ANXA4: variants seen among roughly 807,000 people sequenced by gnomAD.
ANXA4 encodes 35-beta calcimedin.
In ANXA4, 39 loss-of-function variants were observed where a neutral mutation model predicts 49.8. That is an observed-to-expected ratio of 0.78 (90% CI 0.61 to 1.02). The LOEUF (loss-of-function observed/expected upper bound fraction) is 1.02. Among genes scored for constraint, ANXA4 ranks in the 50% least tolerant of loss-of-function variants. ANXA4 has a pLI of 0.00. For missense variants in ANXA4, 360 were observed against 410.1 expected (o/e 0.88, Z 1.05); for synonymous variants, 134 against 152.5 (o/e 0.88, Z 0.89).
intron 2 of ANXA4, among the ~76,000 whole-genome samples, chr2:69,698,621 G>A (rs940420141): frequency 1.3e-5 from 2 of 152,100 alleles, no homozygotes; most frequent in Non-Finnish European, 2.9e-5. Context: ...CTGCGTTGTC[G>A]GCTCTGACTA....
chr2:69,818,588 A>G lies in ANXA4; in HGVS notation c.629-11A>G, dbSNP rs1390680977. ...TTCTTCCCAATAATACTATTTTGTT[A>G]TTGTCTGCAGTGTTTGATGAATACA... On this transcript the variant is annotated splice_polypyrimidine_tract_variant and intron_variant, in intron 9 of 12. Coordinates refer to ENST00000394295, the MANE Select transcript of ANXA4 (RefSeq NM_001153.5). The G allele has an allele frequency of 1.3e-6, 2 of 1,542,560 alleles. No individual in the cohort carries two copies. Among genetic ancestry groups the G allele is most frequent in the Non-Finnish European group, 1.8e-6 (2 of 1,137,378 alleles).
chr2:69,775,334 T>C (rs1671921735), intron 1 of ANXA4, among the ~76,000 whole-genome samples: 3 of 152,364 alleles, frequency 2.0e-5, no homozygotes, highest in Non-Finnish European at 4.4e-5. Flanking sequence ...ACCAAGGGAC[T>C]GAATATATCG....
chr2:69,690,125 A>G (rs1677911745), intron 2 of ANXA4, among the ~76,000 whole-genome samples: 1 of 152,204 alleles, frequency 6.6e-6, no homozygotes, highest in South Asian at 2.1e-4. Context: ...TTTGGATGTT[A>G]AACACATTTA....
chr2:69,781,866 T>C (rs899732027), intron 2 of ANXA4, among the ~76,000 whole-genome samples: 2 of 152,176 alleles, frequency 1.3e-5, no homozygotes, highest in Non-Finnish European at 2.9e-5. Context: ...ATGTTTATTT[T>C]AGAACATTTA....
chr2:69,656,019 C>T (rs1237718288), intron 2 of ANXA4, among the ~76,000 whole-genome samples: 2 of 151,674 alleles, frequency 1.3e-5, no homozygotes, highest in Non-Finnish European at 2.9e-5. Context: ...ACACTGGGGC[C>T]TGTCAGTGGG....
intron 2 of ANXA4, among the ~76,000 whole-genome samples, chr2:69,663,128 G>A (rs1197114145): frequency 6.7e-6 from 1 of 149,818 alleles, no homozygotes; most frequent in Non-Finnish European, 1.5e-5. Flanking sequence ...GAGTAGCTGG[G>A]ACTACAGGCG....
At chr2:69,709,595 G>A (rs1232032812) in intron 2 of ANXA4, among the ~76,000 whole-genome samples, 1 of 152,140 alleles carries the variant, frequency 6.6e-6, no homozygotes, top group East Asian at 1.9e-4. Context: ...GCACATTTTA[G>A]AGTACATACA....
chr2:69,676,287 G>A (rs1197377655), intron 2 of ANXA4, among the ~76,000 whole-genome samples: 3 of 152,098 alleles, frequency 2.0e-5, no homozygotes, highest in Admixed American at 6.5e-5. Context: ...AACAGATGTG[G>A]TTCATAGACC....
At chr2:69,732,269 G>A (rs1459666703) in intron 3 of ANXA4, among the ~76,000 whole-genome samples, 2 of 151,526 alleles carry the variant, frequency 1.3e-5, no homozygotes, top group South Asian at 2.1e-4. Context: ...GAGCCACCGC[G>A]CCCAGCCCTT....
chr2:69,818,141 T>A (rs1377562914), intron 9 of ANXA4: 1 of 151,766 alleles, frequency 6.6e-6, no homozygotes, highest in Non-Finnish European at 1.5e-5. Flanking sequence ...TGTAATTATG[T>A]TTAAGTATTT....
At chr2:69,823,907 C>T (rs952394192) in intron 12 of ANXA4, among the ~76,000 whole-genome samples, 1 of 152,070 alleles carries the variant, frequency 6.6e-6, no homozygotes, top group South Asian at 2.1e-4. Flanking sequence ...CTAGTCCCCA[C>T]GAATGACTAA....
In ANXA4 at chr2:69,819,080, T is replaced by C. The variant is rs143193168; in HGVS notation, c.725-200T>C. 7.9e-5 allele frequency among the ~76,000 whole-genome samples: 12 copies of C among 152,322 alleles called. No individual in the cohort carries two copies. The East Asian group carries it at 2.3e-3, about 29-fold the overall frequency. ...CTTTATCAATTACTTCTCCAGGAACTTGATGATAAATTGAGGGTACTTTCT... is the reference window on the plus strand; with the variant it reads ...CTTTATCAATTACTTCTCCAGGAACCTGATGATAAATTGAGGGTACTTTCT... On this transcript the variant is annotated intron_variant, in intron 10 of 12. Transcript: ENST00000394295.
Position 69,826,763 on chromosome 2 carries a change from CAG to C in ANXA4, c.*1251_*1252del, listed in dbSNP as rs909003280. On this transcript the variant is annotated 3_prime_UTR_variant, in exon 13 of 13. Coordinates refer to ENST00000394295, the MANE Select transcript of ANXA4 (RefSeq NM_001153.5). ...GCCGAGATCACGCCAGCCTGGGCGACAGAGCGAGAATCCATCTAAAAAAAAAA... is the reference window on the plus strand; with the variant it reads ...GCCGAGATCACGCCAGCCTGGGCGACAGCGAGAATCCATCTAAAAAAAAAA... 3 of 140,018 alleles carry C rather than the reference CAG, an allele frequency of 2.1e-5. No homozygotes were observed. Among genetic ancestry groups the C allele is most frequent in the Non-Finnish European group, 4.5e-5 (3 of 66,018 alleles). 8.7% of individuals were successfully genotyped at this position (140,018 alleles called of 1,614,324 possible). A position where few individuals can be genotyped will look rare whatever the true frequency, so the allele number is the denominator to read the frequency against.
At chr2:69,810,957 G>A (rs1456730366) in intron 7 of ANXA4, 2 of 419,934 alleles carry the variant, frequency 4.8e-6, no homozygotes, top group Non-Finnish European at 8.8e-6. Context: ...GGCAGTTCCT[G>A]GGCCTTAAGA....
At chr2:69,708,577 G>GT (rs779200503) in intron 2 of ANXA4, among the ~76,000 whole-genome samples, 10 of 151,898 alleles carry the variant, frequency 6.6e-5, no homozygotes, top group East Asian at 1.9e-4. Flanking sequence ...GGGTCTCTTG[G>GT]TTTTTTTTAT....
intron 2 of ANXA4, among the ~76,000 whole-genome samples, chr2:69,654,162 T>C (rs1330916613): frequency 6.6e-6 from 1 of 152,232 alleles, no homozygotes; most frequent in East Asian, 1.9e-4. Flanking sequence ...TGAAGTTGCT[T>C]ATCAGCTTAA....
chr2:69,747,940 G>A (rs1422459903), intron 1 of ANXA4, among the ~76,000 whole-genome samples: 2 of 151,992 alleles, frequency 1.3e-5, no homozygotes, highest in African/African-American at 4.8e-5. Context: ...TTGGTCTCCC[G>A]AAGTGCTGGG....
At chr2:69,777,171 G>A (rs1203042702) in intron 1 of ANXA4, among the ~76,000 whole-genome samples, 1 of 152,110 alleles carries the variant, frequency 6.6e-6, no homozygotes, top group East Asian at 1.9e-4. Flanking sequence ...ACCTCCATAT[G>A]TTCACTAACC....
intron 5 of ANXA4, among the ~76,000 whole-genome samples, chr2:69,807,424 C>T (rs1045011076): frequency 6.6e-6 from 1 of 152,150 alleles, no homozygotes; most frequent in Non-Finnish European, 1.5e-5. Flanking sequence ...TATAAATGGT[C>T]CCCACCTTAG....
Sources: gnomAD v4.1 joint callset for allele counts (sites outside exome capture counted in the v4.1 genomes callset) on GRCh38, gnomAD v4.1.1 for gene constraint, MANE v1.5 for transcripts, NCBI Gene and HGNC (gene_info 2026-07-23, HGNC 2026-07-21) for gene names.